Variants in CDK20 observed in about 807,000 individuals in gnomAD.
CDK20 encodes the protein cyclin dependent kinase 20, also known as cyclin-dependent kinase 20.
A neutral mutation model predicts 38.6 loss-of-function variants in CDK20; 40 were observed. The ratio of observed to expected loss-of-function variants is 1.04; its 90% CI spans 0.81 to 1.35. The LOEUF (loss-of-function observed/expected upper bound fraction) is 1.35. Among genes scored for constraint, CDK20 ranks in the 40% most tolerant of loss-of-function variants. The pLI, the probability that CDK20 is intolerant of heterozygous loss-of-function variation, is 0.00. For missense variants in CDK20, 512 were observed against 452.6 expected (o/e 1.13, Z -1.19); for synonymous variants, 209 against 185.7 (o/e 1.13, Z -1.02).
chr9:87,967,762 G>T, intron 7 of CDK20, 103 bp from the exon 8 acceptor site: 1 of 1,037,080 alleles, frequency 9.6e-7, no homozygotes, highest in Non-Finnish European at 1.4e-6. Flanking sequence ...GACTCAGTGT[G>T]TCTGGGTGTT....
chr9:87,969,861 T>C lies in CDK20; in HGVS notation c.622A>G (p.Asn208Asp). 6.2e-7 allele frequency: 1 copy of C among 1,610,124 alleles called. No homozygotes were observed. The highest frequency in any genetic ancestry group is 8.5e-7 in the Non-Finnish European group (1 of 1,177,878). Reference sequence around the variant, plus strand: ...ACATAGCAAAGCTGTTCAATATCGTTCTTGCCCGGGAAAAGGGGGGACCCA... The same window carrying C: ...ACATAGCAAAGCTGTTCAATATCGTCCTTGCCCGGGAAAAGGGGGGACCCA... The part of the protein sequence containing the change: ...LNGSPLFPGK[N>D]DIEQLCYVLR... Residue 208 changes from asparagine to aspartate, a missense_variant, in exon 6 of 8, where the codon AAC (asparagine) becomes GAC (aspartate). By Grantham distance (23) the Asn-to-Asp change is conservative. Transcript: ENST00000325303.
chr9:87,970,749 G>A, intron 4 of CDK20, 27 bp downstream of exon 4: 2 of 1,614,004 alleles, frequency 1.2e-6, no homozygotes, highest in Non-Finnish European at 1.7e-6. Flanking sequence ...CCATGGAGAA[G>A]ACTGGAAGGG....
intron 5 of CDK20, 58 bp downstream of exon 5, chr9:87,970,510 A>G (rs771938680): frequency 6.0e-6 from 9 of 1,494,838 alleles, no homozygotes; most frequent in South Asian, 1.2e-5. Context: ...CAGAGACCTC[A>G]GAGCCTAGCA....
Position 87,969,859 on chromosome 9 carries a change from G to T in CDK20, c.624C>A (p.Asn208Lys). 1.2e-6 allele frequency: 2 copies of T among 1,610,112 alleles called. No homozygotes were observed. Among genetic ancestry groups the T allele is most frequent in the Non-Finnish European group, 1.7e-6 (2 of 1,177,906 alleles). The change falls in exon 6 of 8, where the codon AAC becomes AAA. Residue 208 changes from asparagine (N) to lysine (K), a missense_variant. Asn to Lys is a moderately conservative substitution (Grantham distance 94). Transcript: ENST00000325303. ...GCACATAGCAAAGCTGTTCAATATC[G>T]TTCTTGCCCGGGAAAAGGGGGGACC... ...LNGSPLFPGK[N>K]DIEQLCYVLR...
intron 7 of CDK20, chr9:87,967,891 T>C: frequency 2.0e-6 from 1 of 488,506 alleles, no homozygotes; most frequent in Non-Finnish European, 3.6e-6. Context: ...ATAAACAAGA[T>C]GAAGTAAAAT....
At chr9:87,971,617 G>A (rs28364951) in intron 2 of CDK20, among the ~76,000 whole-genome samples, 1,675 of 152,212 alleles carry the variant, frequency 0.011, 28 homozygotes, top group African/African-American at 0.038. Flanking sequence ...CAGCCTACCC[G>A]CCTGAAAATC....
intron 7 of CDK20, 109 bp from the exon 8 acceptor site, chr9:87,967,768 G>C: frequency 1.0e-6 from 1 of 986,822 alleles, no homozygotes. Flanking sequence ...GTGTGTCTGG[G>C]TGTTTTCTGA....
In CDK20 at chr9:87,969,692, G is replaced by T. The variant is rs1829711434; in HGVS notation, c.687+104C>A. ...ACAGTGGTCCCTGTCCATCAAGGGG[G>T]GTTGGGGCCAGGAGAGAGAAGGTTC... On this transcript the variant is annotated intron_variant, in intron 6 of 7. Coordinates refer to ENST00000325303, the MANE Select transcript of CDK20 (RefSeq NM_001039803.3). The T allele has an allele frequency of 2.6e-6, 4 of 1,529,794 alleles. No individual in the cohort carries two copies. The East Asian group carries it at 6.8e-5, about 26-fold the overall frequency. The allele number at this position is 1,529,794 out of a possible 1,614,324, so 94.8% of individuals were successfully genotyped here.
intron 3 of CDK20, 78 bp downstream of exon 3, chr9:87,971,069 A>T (rs1477807851): frequency 6.5e-7 from 1 of 1,528,010 alleles, no homozygotes; most frequent in Admixed American, 1.8e-5. Flanking sequence ...TTCTTATCAC[A>T]CCTTTTACAA....
rs1177926489 is a variant in CDK20 at position 87,967,491 on chromosome 9, G to A, written c.1012C>T (p.Leu338=). 2 of 1,555,796 alleles carry A rather than the reference G, an allele frequency of 1.3e-6. No individual in the cohort carries two copies. The highest frequency in any genetic ancestry group is 1.7e-6 in the Non-Finnish European group (2 of 1,149,626). Residue 338 remains leucine, a synonymous_variant, in exon 8 of 8, where the codon CTG becomes TTG. Transcript: ENST00000325303. Reference sequence around the variant, plus strand: ...CCCTCCAGGATGAAGGGCCGAATCAGCTCTGGGTTCAACAGCGACTCCTCA... The same window carrying A: ...CCCTCCAGGATGAAGGGCCGAATCAACTCTGGGTTCAACAGCGACTCCTCA... ...PLEESLLNPE[L]IRPFILEG is the part of the protein sequence containing the mutation.
In CDK20 at chr9:87,969,255, G is replaced by T. The variant is rs779975575; in HGVS notation, c.782C>A (p.Ala261Glu). 1 of 1,614,090 alleles carries T rather than the reference G, an allele frequency of 6.2e-7. No individual in the cohort carries two copies. Residue 261 changes from alanine (A) to glutamate (E), a missense_variant, in exon 7 of 8, where the codon GCA becomes GAA. By Grantham distance (107) the Ala-to-Glu change is moderately radical. Transcript: ENST00000325303. ...EEVLPDVSPQALDLLGQFLLY... is the reference protein window; with the variant it reads ...EEVLPDVSPQELDLLGQFLLY... ...AAGGAATTGACCCAGCAGATCCAATGCCTGGGGAGAGACGTCAGGCAGCAC... is the reference window on the plus strand; with the variant it reads ...AAGGAATTGACCCAGCAGATCCAATTCCTGGGGAGAGACGTCAGGCAGCAC...
At chr9:87,973,162 C>T in intron 2 of CDK20, among the ~76,000 whole-genome samples, 1 of 152,174 alleles carries the variant, frequency 6.6e-6, no homozygotes, top group Non-Finnish European at 1.5e-5. Flanking sequence ...TGTTAACTCT[C>T]CAGGGAGTCA....
Position 87,967,467 on chromosome 9 carries a change from C to A in CDK20, c.1036G>T (p.Gly346Trp). Residue 346 changes from glycine (G) to tryptophan (W), a missense_variant, in exon 8 of 8, where the codon GGG (glycine) becomes TGG (tryptophan). By Grantham distance (184) the Gly-to-Trp change is radical. Transcript: ENST00000325303. ...PELIRPFILE[G>W] ...ACGGGACCAGGGCCAACTTCTCACC[C>A]CTCCAGGATGAAGGGCCGAATCAGC... 6.4e-7 allele frequency: 1 copy of A among 1,554,026 alleles called. No individual in the cohort carries two copies. The highest frequency in any genetic ancestry group is 8.7e-7 in the Non-Finnish European group (1 of 1,148,424).
rs770584509 is a variant in CDK20 at position 87,973,959 on chromosome 9, T to C, written c.152A>G (p.Glu51Gly). Residue 51 changes from glutamate (E) to glycine (G), a missense_variant, in exon 2 of 8, where the codon GAG (glutamate) becomes GGG (glycine). Coordinates refer to ENST00000325303, the MANE Select transcript of CDK20 (RefSeq NM_001039803.3). ...CTCCATCTCCTGCAGAGCCTTAATCTCCCGCAGGGCCTGGTTAGGGAAGCC... is the reference window on the plus strand; with the variant it reads ...CTCCATCTCCTGCAGAGCCTTAATCCCCCGCAGGGCCTGGTTAGGGAAGCC... ...EDGFPNQALR[E>G]IKALQEMEDN... 1 of 1,614,044 alleles carries C rather than the reference T, an allele frequency of 6.2e-7. No individual in the cohort carries two copies. The highest frequency in any genetic ancestry group is 1.1e-5 in the South Asian group (1 of 91,088).
At chr9:87,971,017 C>G (rs1260154492) in intron 3 of CDK20, 120 bp from the exon 4 acceptor site, 1 of 1,511,852 alleles carries the variant, frequency 6.6e-7, no homozygotes, top group African/African-American at 1.4e-5. Context: ...AGGGCCATGC[C>G]CTGGCCACTT....
At chr9:87,969,390 C>G in intron 6 of CDK20, 41 bp from the exon 7 acceptor site, 1 of 1,601,682 alleles carries the variant, frequency 6.2e-7, no homozygotes, top group Non-Finnish European at 8.5e-7. Context: ...GAGAGTAGTT[C>G]CCGACCCTTG....
In CDK20 at chr9:87,969,822, C is replaced by T. The variant is rs1829724016; in HGVS notation, c.661G>A (p.Gly221Ser). ...GGCCAGACTTGAGGGTTTGGGGTGCCCAAGATGCGAAGCACATAGCAAAGC... is the reference window on the plus strand; with the variant it reads ...GGCCAGACTTGAGGGTTTGGGGTGCTCAAGATGCGAAGCACATAGCAAAGC... The part of the protein sequence containing the change: ...EQLCYVLRIL[G>S]TPNPQVWPEL... The change falls in exon 6 of 8, where the codon GGC becomes AGC. Residue 221 changes from glycine (G) to serine (S), a missense_variant. Physicochemically the swap from Gly to Ser is moderately conservative, Grantham distance 56 (BLOSUM62 0). Coordinates refer to ENST00000325303, the MANE Select transcript of CDK20 (RefSeq NM_001039803.3). The T allele has an allele frequency of 6.2e-7, 1 of 1,613,660 alleles. No individual in the cohort carries two copies. Among genetic ancestry groups the T allele is most frequent in the Non-Finnish European group, 8.5e-7 (1 of 1,179,770 alleles).
In CDK20 at chr9:87,966,510, G is replaced by A. The variant is rs668108; in HGVS notation, c.*952C>T. 0.82 allele frequency: 128,457 copies of A among 155,836 alleles called. 54,210 individuals are homozygous for A. Among genetic ancestry groups the A allele is most frequent in the Non-Finnish European group, 0.92 (64,417 of 70,174 alleles). The allele number at this position is 155,836 out of a possible 1,614,324, so 9.7% of individuals were successfully genotyped here. On this transcript the variant is annotated 3_prime_UTR_variant, in exon 8 of 8. Coordinates refer to ENST00000325303, the MANE Select transcript of CDK20 (RefSeq NM_001039803.3). ...CTTTTAAATATTGGTATCTGATACCGTAAGTCCTTCCATCATTTCCTCTTC... is the reference window on the plus strand; with the variant it reads ...CTTTTAAATATTGGTATCTGATACCATAAGTCCTTCCATCATTTCCTCTTC...
intron 2 of CDK20, among the ~76,000 whole-genome samples, chr9:87,973,289 C>T (rs778502293): frequency 6.6e-6 from 1 of 152,160 alleles, no homozygotes; most frequent in Non-Finnish European, 1.5e-5. Context: ...TATCACAGCA[C>T]GAACCACACT....
Sources: gnomAD v4.1 joint callset for allele counts (sites outside exome capture counted in the v4.1 genomes callset) on GRCh38, gnomAD v4.1.1 for gene constraint, MANE v1.5 for transcripts, NCBI Gene and HGNC (gene_info 2026-07-23, HGNC 2026-07-21) for gene names.